The following RCSD1 variants were observed in gnomAD, a reference collection of about 807,000 sequenced individuals.
RCSD1 encodes RCSD domain containing 1.
Under a neutral mutation model 42.5 loss-of-function variants are expected in RCSD1, and 26 were observed. The observed-to-expected ratio is 0.61, with a 90% CI of 0.45 to 0.85. The LOEUF (loss-of-function observed/expected upper bound fraction) is 0.85, where lower values mean the gene tolerates loss of function less well. Among genes scored for constraint, RCSD1 ranks in the 40% least tolerant of loss-of-function variants. RCSD1 has a pLI of 0.00. For synonymous variants in RCSD1, 220 were observed against 212.2 expected, an observed-to-expected ratio of 1.04 and a Z score of -0.32; for missense variants, 571 against 528.3, an observed-to-expected ratio of 1.08 and a Z score of -0.79.
chr1:167,649,075 C>G (rs890245383), intron 1 of RCSD1, among the ~76,000 whole-genome samples: 6 of 152,126 alleles, frequency 3.9e-5, no homozygotes, highest in African/African-American at 1.4e-4. Flanking sequence ...GAACACAGAT[C>G]TGAGTATGAC....
At position 167,666,837 on chromosome 1, in the gene RCSD1, C is replaced by T. The variant is rs1189870032; in HGVS notation, c.7-17063C>T. 5.9e-5 allele frequency among the ~76,000 whole-genome samples: 9 copies of T among 152,198 alleles called. No homozygotes were observed. In the East Asian group the frequency reaches 1.2e-3, roughly 19 times the overall value. On this transcript the variant is annotated intron_variant, in intron 1 of 6. Transcript: ENST00000367854. ...ATTGGCCACATGTGGCCAAGGGGGA[C>T]GGCTTTGAATGTGGCCTAACACAAA... is the stretch of plus-strand genomic sequence containing the variant.
chr1:167,698,759 C>T (rs1659561375), intron 6 of RCSD1, among the ~76,000 whole-genome samples: 1 of 152,074 alleles, frequency 6.6e-6, no homozygotes, highest in African/African-American at 2.4e-5. Flanking sequence ...CTTCCTGCTA[C>T]AGTAGCCTCT....
At chr1:167,677,169 ACCTCT>A (rs1200801258) in intron 1 of RCSD1, among the ~76,000 whole-genome samples, 18 of 152,130 alleles carry the variant, frequency 1.2e-4, no homozygotes, top group Non-Finnish European at 2.1e-4. Context: ...GTTCTTCTTT[ACCTCT>A]CTGTATTCTC....
intron 1 of RCSD1, among the ~76,000 whole-genome samples, chr1:167,653,397 C>T (rs1658355470): frequency 6.6e-6 from 1 of 152,190 alleles, no homozygotes; most frequent in South Asian, 2.1e-4. Flanking sequence ...CTCTGGATTC[C>T]TGTTAGAGTC....
At position 167,697,596 on chromosome 1, in the gene RCSD1, T is replaced by C; in HGVS notation, c.972T>C (p.Asn324=). 1 of 1,606,752 alleles carries C rather than the reference T, an allele frequency of 6.2e-7. No individual in the cohort carries two copies. Residue 324 remains asparagine, a synonymous_variant, in exon 6 of 7, where the codon AAT becomes AAC. Transcript: ENST00000367854. ...ATEVKGERVQ[N]EEVGPEHDSQ... ...AGGTGAAGGGGGAGAGGGTGCAAAA[T>C]GAAGAGGTGGGACCTGAACATGACA...
Position 167,697,705 on chromosome 1 carries a change from G to A in RCSD1, c.1081G>A (p.Val361Ile), listed in dbSNP as rs1019768725. Residue 361 changes from valine to isoleucine, a missense_variant, in exon 6 of 7, where the codon GTC becomes ATC. Val to Ile is a conservative substitution (Grantham distance 29). Transcript: ENST00000367854. ...CCCTGGAGGAGTGAAGGGCGGAGAT[G>A]TCCCCAAGCAGGAAAAAGGCAAGGA... The part of the protein sequence containing the change: ...SPPGGVKGGD[V>I]PKQEKGKEKQ... 3 of 1,599,346 alleles carry A rather than the reference G, an allele frequency of 1.9e-6. No individual in the cohort carries two copies. The highest frequency in any genetic ancestry group is 1.7e-6 in the Non-Finnish European group (2 of 1,173,742).
chr1:167,658,998 C>A (rs61690137), intron 1 of RCSD1, among the ~76,000 whole-genome samples: 2,391 of 152,200 alleles, frequency 0.016, 51 homozygotes, highest in African/African-American at 0.055. Context: ...CACATTTACT[C>A]CAGCAATATA....
At chr1:167,680,167 T>C (rs559024382) in intron 1 of RCSD1, among the ~76,000 whole-genome samples, 14 of 151,926 alleles carry the variant, frequency 9.2e-5, no homozygotes, top group Non-Finnish European at 1.2e-4. Context: ...TAAAGACAAG[T>C]GTGAGCTAAA....
At position 167,705,821 on chromosome 1, in the gene RCSD1, G is replaced by A. The variant is rs1034278812; in HGVS notation, c.*1125G>A. 1.8e-4 allele frequency: 28 copies of A among 152,262 alleles called. 1 individual carries two copies. The highest frequency in any genetic ancestry group is 1.3e-3 in the Admixed American group (20 of 15,298). 9.4% of individuals were successfully genotyped at this position (152,262 alleles called of 1,614,324 possible). A position where few individuals can be genotyped will look rare whatever the true frequency, so the allele number is the denominator to read the frequency against. On this transcript the variant is annotated 3_prime_UTR_variant, in exon 7 of 7. Transcript: ENST00000367854. ...TAAGGGATTCTGCAAGGGACAGGGGGCCTGACTACCCAGTCTTTGACTTGT... is the reference window on the plus strand; with the variant it reads ...TAAGGGATTCTGCAAGGGACAGGGGACCTGACTACCCAGTCTTTGACTTGT...
intron 1 of RCSD1, among the ~76,000 whole-genome samples, chr1:167,676,911 C>A (rs1440308026): frequency 1.3e-5 from 2 of 152,220 alleles, no homozygotes; most frequent in Non-Finnish European, 2.9e-5. Context: ...CCTGGAGGTT[C>A]CAAACAGGGA....
intron 3 of RCSD1, among the ~76,000 whole-genome samples, chr1:167,689,773 A>G (rs2101714152): frequency 6.6e-6 from 1 of 152,330 alleles, no homozygotes; most frequent in Admixed American, 6.5e-5. Context: ...TCATAACAAC[A>G]ATGAAGTCAC....
intron 4 of RCSD1, among the ~76,000 whole-genome samples, chr1:167,692,060 G>A (rs1464910298): frequency 6.6e-6 from 1 of 152,060 alleles, no homozygotes; most frequent in Non-Finnish European, 1.5e-5. Flanking sequence ...CCTTTTTCCA[G>A]TCATTAATGA....
chr1:167,653,439 T>C (rs1054216305), intron 1 of RCSD1, among the ~76,000 whole-genome samples: 1 of 152,342 alleles, frequency 6.6e-6, no homozygotes, highest in East Asian at 1.9e-4. Context: ...TTTCAACACC[T>C]GAGGAACTGG....
Position 167,638,049 on chromosome 1 carries a change from C to A in RCSD1, c.6+7620C>A, listed in dbSNP as rs1332534061. ...ACAATGTGCCGCAGCAGGCTTTGGG[C>A]CTCCTCTGAGCCTCCCCGCTAGACC... On this transcript the variant is annotated intron_variant, in intron 1 of 6. Transcript: ENST00000367854. Among the ~76,000 whole-genome samples, 3 of 152,170 alleles carry A rather than the reference C, an allele frequency of 2.0e-5. No individual in the cohort carries two copies. In the East Asian group the frequency reaches 5.8e-4, roughly 29 times the overall value.
chr1:167,691,483 G>T (rs1207977422), intron 4 of RCSD1, among the ~76,000 whole-genome samples: 1 of 152,236 alleles, frequency 6.6e-6, no homozygotes, highest in Non-Finnish European at 1.5e-5. Flanking sequence ...TCCAGGTGGG[G>T]GCTGTAGGAG....
In RCSD1 at chr1:167,634,941, AGTGTGT is replaced by A. The variant is rs68149146; in HGVS notation, c.6+4537_6+4542del. 2.4e-3 allele frequency among the ~76,000 whole-genome samples: 354 copies of A among 146,522 alleles called. 1 individual carries two copies. The highest frequency in any genetic ancestry group is 7.1e-3 in the African/African-American group (287 of 40,370). On this transcript the variant is annotated intron_variant, in intron 1 of 6. Transcript: ENST00000367854. ...AGACTGTCAGTATTACTATGATGAG[AGTGTGT>A]GTGTGTGTGTGTGTGTGTGTGTGTA... is the stretch of plus-strand genomic sequence containing the variant.
rs1019474347 is a variant in RCSD1 at position 167,703,420 on chromosome 1, G to A, written c.1219-1244G>A. ...TGTGATCCCAGTATTTTAGGAGGCC[G>A]AGGCATGAGGATCGCTGGAGCCCAG... On this transcript the variant is annotated intron_variant, in intron 6 of 6. Coordinates refer to ENST00000367854, the MANE Select transcript of RCSD1 (RefSeq NM_052862.4). 5.3e-5 allele frequency among the ~76,000 whole-genome samples: 8 copies of A among 152,302 alleles called. 1 individual carries two copies. The South Asian group carries it at 1.2e-3, about 24-fold the overall frequency.
At chr1:167,681,271 G>C (rs762193479) in intron 1 of RCSD1, among the ~76,000 whole-genome samples, 28 of 152,210 alleles carry the variant, frequency 1.8e-4, no homozygotes, top group Admixed American at 3.3e-4. Flanking sequence ...TGTTTGGCCT[G>C]TTCTGTGTGA....
At chr1:167,695,423 C>A (rs899733785) in intron 5 of RCSD1, among the ~76,000 whole-genome samples, 1 of 152,158 alleles carries the variant, frequency 6.6e-6, no homozygotes, top group Non-Finnish European at 1.5e-5. Flanking sequence ...GCTTGGGAGG[C>A]CCTGATAAAC....
Sources: allele counts gnomAD v4.1 joint callset (sites outside exome capture counted in the v4.1 genomes callset), GRCh38; gene constraint gnomAD v4.1.1; transcripts MANE v1.5; gene names NCBI Gene and HGNC (gene_info 2026-07-23, HGNC 2026-07-21).